VRK1: variants seen among roughly 807,000 people sequenced by gnomAD.
VRK1 encodes serine/threonine-protein kinase VRK1.
In VRK1, 33 loss-of-function variants were observed where a neutral mutation model predicts 57.1. That is an observed-to-expected ratio of 0.58 (90% CI 0.44 to 0.77). The LOEUF is 0.77. Ranked by LOEUF, VRK1 falls within the 30% of genes least tolerant of loss-of-function variation. The pLI, the probability that VRK1 is intolerant of heterozygous loss-of-function variation, is 0.00. For missense variants in VRK1, 413 were observed against 477.3 expected (o/e 0.87, Z 1.25); for synonymous variants, 137 against 147.8 (o/e 0.93, Z 0.53).
intron 1 of VRK1, among the ~76,000 whole-genome samples, chr14:96,817,952 A>G (rs1237685241): frequency 6.6e-6 from 1 of 151,778 alleles, no homozygotes; most frequent in South Asian, 2.1e-4. Flanking sequence ...CCTAGGTCTG[A>G]CTCTCTTGGA....
intron 1 of VRK1, among the ~76,000 whole-genome samples, chr14:96,823,719 T>G (rs1451042486): frequency 3.9e-5 from 6 of 152,236 alleles, no homozygotes; most frequent in Non-Finnish European, 8.8e-5. Flanking sequence ...AGCAGATCTC[T>G]AGAACTTAAT....
intron 1 of VRK1, among the ~76,000 whole-genome samples, chr14:96,819,341 A>G (rs1031921287): frequency 6.6e-6 from 1 of 152,222 alleles, no homozygotes; most frequent in Non-Finnish European, 1.5e-5. Context: ...GTAGACTTGT[A>G]TGTAATAGAG....
At chr14:96,834,231 T>C (rs1887126486) in intron 2 of VRK1, among the ~76,000 whole-genome samples, 1 of 152,246 alleles carries the variant, frequency 6.6e-6, no homozygotes, top group African/African-American at 2.4e-5. Flanking sequence ...TAAAGCTGTC[T>C]GCTTCACCAA....
chr14:96,799,970 T>C (rs1393815993), intron 1 of VRK1, among the ~76,000 whole-genome samples: 2 of 151,786 alleles, frequency 1.3e-5, no homozygotes, highest in East Asian at 3.8e-4. Context: ...TTTTTAACTT[T>C]ATCTAGCATC....
At chr14:96,823,035 T>G (rs904233841) in intron 1 of VRK1, among the ~76,000 whole-genome samples, 1 of 152,180 alleles carries the variant, frequency 6.6e-6, no homozygotes, top group Non-Finnish European at 1.5e-5. Flanking sequence ...CTTCCTCAAC[T>G]CCTTCAAGTC....
At position 96,846,085 on chromosome 14, in the gene VRK1, A is replaced by G. The variant is rs2139778948; in HGVS notation, c.217-10A>G. 3 of 1,612,122 alleles carry G rather than the reference A, an allele frequency of 1.9e-6. No homozygotes were observed. The Admixed American group carries it at 5.0e-5, about 27-fold the overall frequency. ...CTACTGCTAGTACTAATTAACTCTT[A>G]TATTTTAAGGAACCCAGTGACAATG... On this transcript the variant is annotated splice_polypyrimidine_tract_variant and intron_variant, in intron 3 of 12. Coordinates refer to ENST00000216639, the MANE Select transcript of VRK1 (RefSeq NM_003384.3).
intron 7 of VRK1, among the ~76,000 whole-genome samples, chr14:96,853,912 T>C (rs1888048408): frequency 6.6e-6 from 1 of 152,142 alleles, no homozygotes; most frequent in Non-Finnish European, 1.5e-5. Flanking sequence ...ACTTTGATTA[T>C]TGTAATTATT....
At chr14:96,821,441 AAAAACAAAAC>A (rs781353292) in intron 1 of VRK1, among the ~76,000 whole-genome samples, 1 of 152,214 alleles carries the variant, frequency 6.6e-6, no homozygotes, top group Non-Finnish European at 1.5e-5. Flanking sequence ...TAAAGTTAAA[AAAAACAAAAC>A]AAAACAAAAT....
chr14:96,865,638 A>AGT (rs1458496289), intron 11 of VRK1, among the ~76,000 whole-genome samples: 1 of 152,316 alleles, frequency 6.6e-6, no homozygotes, highest in South Asian at 2.1e-4. Flanking sequence ...CCATAGCCAT[A>AGT]GTAGGCCCCT....
intron 1 of VRK1, among the ~76,000 whole-genome samples, chr14:96,810,918 T>C (rs1785100517): frequency 1.3e-5 from 2 of 149,420 alleles, no homozygotes; most frequent in Admixed American, 6.7e-5. Context: ...AAGTCCAAGA[T>C]CACCTGTTCT....
intron 1 of VRK1, among the ~76,000 whole-genome samples, chr14:96,832,063 C>G (rs186530000): frequency 1.8e-4 from 28 of 152,150 alleles, no homozygotes; most frequent in Admixed American, 7.2e-4. Context: ...TTTTTGTTAA[C>G]TTAGAGAAGA....
At chr14:96,876,725 G>A (rs1889045958) in intron 12 of VRK1, among the ~76,000 whole-genome samples, 2 of 146,888 alleles carry the variant, frequency 1.4e-5, no homozygotes, top group African/African-American at 5.0e-5. Context: ...AACAAGTTAA[G>A]AGGAAAGGAA....
intron 11 of VRK1, among the ~76,000 whole-genome samples, chr14:96,875,100 T>G (rs1957136): frequency 0.13 from 19,976 of 151,784 alleles, 2,189 homozygotes; most frequent in African/African-American, 0.3. Flanking sequence ...TTAACCTGCT[T>G]AAATTTGAAA....
chr14:96,822,594 T>C (rs941341574), intron 1 of VRK1, among the ~76,000 whole-genome samples: 3 of 152,356 alleles, frequency 2.0e-5, no homozygotes, highest in Admixed American at 1.3e-4. Flanking sequence ...ATCAAGCTTA[T>C]ATAGTTTATA....
chr14:96,871,524 C>A (rs921674999), intron 11 of VRK1, among the ~76,000 whole-genome samples: 1 of 152,150 alleles, frequency 6.6e-6, no homozygotes. Context: ...GTGCTTATAG[C>A]AAAACAAATA....
At chr14:96,819,151 AT>A (rs1375956493) in intron 1 of VRK1, among the ~76,000 whole-genome samples, 3 of 152,230 alleles carry the variant, frequency 2.0e-5, no homozygotes, top group Non-Finnish European at 4.4e-5. Context: ...ATACCAAAAT[AT>A]GTAATTACTT....
chr14:96,816,834 A>G (rs1886412926), intron 1 of VRK1, among the ~76,000 whole-genome samples: 1 of 152,226 alleles, frequency 6.6e-6, no homozygotes, highest in Non-Finnish European at 1.5e-5. Flanking sequence ...AGCCACGTGC[A>G]TTGACTAGTA....
chr14:96,848,168 T>G (rs74492478), intron 5 of VRK1, among the ~76,000 whole-genome samples: 9,598 of 152,182 alleles, frequency 0.063, 347 homozygotes, highest in South Asian at 0.11. Context: ...CCTCCTCTTC[T>G]TGGTTTTGTT....
At chr14:96,856,087 A>G (rs1326409180) in intron 8 of VRK1, 43 bp from the exon 9 acceptor site, 1 of 1,606,748 alleles carries the variant, frequency 6.2e-7, no homozygotes, top group Non-Finnish European at 8.5e-7. Flanking sequence ...TATACATTAA[A>G]AATTATTTCA....
Sources: allele counts gnomAD v4.1 joint callset (sites outside exome capture counted in the v4.1 genomes callset), GRCh38; gene constraint gnomAD v4.1.1; transcripts MANE v1.5; gene names NCBI Gene and HGNC (gene_info 2026-07-23, HGNC 2026-07-21).